Variants in PAPPA2 observed in about 807,000 individuals in gnomAD.
PAPPA2 encodes the protein pappalysin-2.
Under a neutral mutation model 176.4 loss-of-function variants are expected in PAPPA2, and 86 were observed. That is an observed-to-expected ratio of 0.49 (90% confidence interval 0.41 to 0.58). PAPPA2 has a LOEUF of 0.58. Ranked by LOEUF, PAPPA2 falls within the 20% of genes least tolerant of loss-of-function variation. The probability of loss-of-function intolerance (pLI) is 0.00; values close to 1 mark genes in which losing one functional copy is unlikely to be tolerated. For synonymous variants in PAPPA2, 809 were observed against 852.2 expected (o/e 0.95, Z 0.88); for missense variants, 2,073 against 2,256.9 (o/e 0.92, Z 1.65).
At chr1:176,624,401 C>A (rs980486564) in intron 3 of PAPPA2, among the ~76,000 whole-genome samples, 9 of 152,158 alleles carry the variant, frequency 5.9e-5, no homozygotes. Context: ...CACTAATTCC[C>A]AAATAGCAGA....
At position 176,557,128 on chromosome 1, in the gene PAPPA2, G is replaced by A. The variant is rs200737381; in HGVS notation, c.806G>A (p.Arg269Gln). ...CCCATCTTATACTTCTCTGGGAGGCGGGAGCGGCTGCTGCTGCGTCCAGAA... is the reference window on the plus strand; with the variant it reads ...CCCATCTTATACTTCTCTGGGAGGCAGGAGCGGCTGCTGCTGCGTCCAGAA... ...GLPILYFSGR[R>Q]ERLLLRPEVL... Residue 269 changes from arginine to glutamine, a missense_variant, in exon 2 of 23, where the codon CGG (arginine) becomes CAG (glutamine). By Grantham distance (43) the Arg-to-Gln change is conservative (BLOSUM62 1). Around this residue, in one of 4 missense-constraint regions of PAPPA2, gnomAD observed 1,196 missense variants for 1,330.4 expected, o/e 0.90. Coordinates refer to ENST00000367662, the MANE Select transcript of PAPPA2 (RefSeq NM_020318.3). 1.3e-4 allele frequency: 211 copies of A among 1,613,914 alleles called. 3 individuals are homozygous for A. The East Asian group carries it at 3.5e-3, about 27-fold the overall frequency.
At chr1:176,686,132 T>C (rs375710190) in intron 4 of PAPPA2, among the ~76,000 whole-genome samples, 167 of 152,014 alleles carry the variant, frequency 1.1e-3, no homozygotes, top group Non-Finnish European at 1.9e-3. Context: ...TCTGTGAGAG[T>C]GGATGAAGGG....
chr1:176,597,849 C>A lies in PAPPA2; in HGVS notation c.1991+2254C>A, dbSNP rs77070780. ...TAGTTTATAGTAATAACCCACTGCCCTGTCTGAGAGAGCTGTCTTTCAAGG... is the reference window on the plus strand; with the variant it reads ...TAGTTTATAGTAATAACCCACTGCCATGTCTGAGAGAGCTGTCTTTCAAGG... On this transcript the variant is annotated intron_variant, in intron 3 of 22. Transcript: ENST00000367662. Among the ~76,000 whole-genome samples, 37 of 152,240 alleles carry A rather than the reference C, an allele frequency of 2.4e-4. 1 individual carries two copies. The East Asian group carries it at 7.1e-3, about 29-fold the overall frequency.
chr1:176,471,376 C>G (rs2102465206), intron 1 of PAPPA2, among the ~76,000 whole-genome samples: 1 of 152,252 alleles, frequency 6.6e-6, no homozygotes, highest in African/African-American at 2.4e-5. Flanking sequence ...TCCAGAAACC[C>G]CAACACACTG....
At chr1:176,688,839 C>T (rs2102802650) in intron 4 of PAPPA2, among the ~76,000 whole-genome samples, 1 of 152,330 alleles carries the variant, frequency 6.6e-6, no homozygotes, top group East Asian at 1.9e-4. Context: ...TGATTGTCTC[C>T]TGCCCATAAG....
At chr1:176,581,922 CTTTT>C (rs538920194) in intron 2 of PAPPA2, among the ~76,000 whole-genome samples, 5 of 80,986 alleles carry the variant, frequency 6.2e-5, no homozygotes, top group Non-Finnish European at 1.2e-4. Context: ...TTCTTTCTTT[CTTTT>C]TTTTTTTTTT....
At chr1:176,797,320 T>A (rs1665487924) in intron 20 of PAPPA2, among the ~76,000 whole-genome samples, 1 of 152,184 alleles carries the variant, frequency 6.6e-6, no homozygotes, top group Admixed American at 6.5e-5. Context: ...TAGCTTTATA[T>A]GATTGTAATT....
intron 3 of PAPPA2, among the ~76,000 whole-genome samples, chr1:176,619,935 G>T (rs1655490559): frequency 6.6e-6 from 1 of 152,152 alleles, no homozygotes; most frequent in African/African-American, 2.4e-5. Flanking sequence ...GTGTATTGAA[G>T]AAACCACTGG....
intron 7 of PAPPA2, among the ~76,000 whole-genome samples, chr1:176,697,742 T>C (rs1329176351): frequency 2.6e-5 from 4 of 152,220 alleles, no homozygotes; most frequent in African/African-American, 7.2e-5. Context: ...TTCACAGATA[T>C]CATTACTACT....
At chr1:176,812,843 G>A (rs1259440723) in intron 21 of PAPPA2, among the ~76,000 whole-genome samples, 1 of 151,556 alleles carries the variant, frequency 6.6e-6, no homozygotes, top group East Asian at 1.9e-4. Flanking sequence ...TTACATAGGT[G>A]AACATGTGCC....
intron 18 of PAPPA2, among the ~76,000 whole-genome samples, chr1:176,791,057 G>A (rs1043787527): frequency 6.6e-6 from 1 of 151,854 alleles, no homozygotes; most frequent in Non-Finnish European, 1.5e-5. Flanking sequence ...CTGAATATAT[G>A]AGCTTCGGTT....
At chr1:176,486,100 G>C (rs1344245982) in intron 1 of PAPPA2, among the ~76,000 whole-genome samples, 1 of 152,194 alleles carries the variant, frequency 6.6e-6, no homozygotes, top group Non-Finnish European at 1.5e-5. Flanking sequence ...TGATGAATCA[G>C]TCTCTTCTTC....
chr1:176,498,977 T>G (rs1278499509), intron 1 of PAPPA2, among the ~76,000 whole-genome samples: 1 of 152,160 alleles, frequency 6.6e-6, no homozygotes, highest in Non-Finnish European at 1.5e-5. Context: ...TTCTCTCCCT[T>G]CATTCTTATT....
At chr1:176,726,488 C>T (rs534696659) in intron 12 of PAPPA2, among the ~76,000 whole-genome samples, 23 of 152,266 alleles carry the variant, frequency 1.5e-4, no homozygotes, top group African/African-American at 5.5e-4. Context: ...AAGTCTTAGC[C>T]TTGGCAATGG....
At chr1:176,833,076 C>T (rs1343391465) in intron 21 of PAPPA2, among the ~76,000 whole-genome samples, 1 of 152,214 alleles carries the variant, frequency 6.6e-6, no homozygotes, top group Non-Finnish European at 1.5e-5. Flanking sequence ...CGGCATTCCT[C>T]TGATCATCCA....
At chr1:176,590,969 G>C (rs559216351) in intron 2 of PAPPA2, among the ~76,000 whole-genome samples, 17 of 152,180 alleles carry the variant, frequency 1.1e-4, no homozygotes, top group Admixed American at 8.5e-4. Context: ...CTGGCTCAGA[G>C]GATGGTTTTA....
Position 176,490,702 on chromosome 1 carries a change from A to G in PAPPA2, c.-917+27284A>G, listed in dbSNP as rs1647240327. Among the ~76,000 whole-genome samples, 5 of 152,296 alleles carry G rather than the reference A, an allele frequency of 3.3e-5. 1 individual carries two copies. Among genetic ancestry groups the G allele is most frequent in the Middle Eastern group, 3.4e-3 (1 of 294 alleles). ...GACCAGAGTTCAAAGAAGCCAGTGC[A>G]GGAATCAGCTGGCTCCCTTATGGCT... On this transcript the variant is annotated intron_variant, in intron 1 of 22. Coordinates refer to ENST00000367662, the MANE Select transcript of PAPPA2 (RefSeq NM_020318.3).
chr1:176,611,367 G>A (rs935351321), intron 3 of PAPPA2, among the ~76,000 whole-genome samples: 8 of 152,150 alleles, frequency 5.3e-5, no homozygotes, highest in African/African-American at 1.9e-4. Context: ...GCATTATGGG[G>A]CATTCACAGT....
intron 11 of PAPPA2, among the ~76,000 whole-genome samples, chr1:176,711,330 A>G (rs1278930088): frequency 6.6e-6 from 1 of 152,140 alleles, no homozygotes; most frequent in Admixed American, 6.6e-5. Context: ...GGAGATTCTG[A>G]GGTAATGACC....
Sources: gnomAD v4.1 joint callset for allele counts (sites outside exome capture counted in the v4.1 genomes callset) on GRCh38, gnomAD v4.1.1 for gene constraint, gnomAD v4.1.1 regional missense constraint, MANE v1.5 for transcripts, NCBI Gene and HGNC (gene_info 2026-07-23, HGNC 2026-07-21) for gene names.